The following PLCB4 variants were observed in gnomAD, a reference collection of about 807,000 sequenced individuals.
The protein encoded by PLCB4 is 1-phosphatidylinositol 4,5-bisphosphate phosphodiesterase beta-4.
PLCB4 carries 77 observed loss-of-function variants against 178.8 expected under a neutral mutation model. That is an observed-to-expected ratio of 0.43 (90% CI 0.36 to 0.52). The LOEUF (loss-of-function observed/expected upper bound fraction) is 0.52. Among genes scored for constraint, PLCB4 ranks in the 20% least tolerant of loss-of-function variants. The pLI, the probability that PLCB4 is intolerant of heterozygous loss-of-function variation, is 0.00. For synonymous variants in PLCB4, 496 were observed against 490.8 expected, an observed-to-expected ratio of 1.01 and a Z score of -0.14; for missense variants, 1,024 against 1,453.4, an observed-to-expected ratio of 0.70 and a Z score of 4.80.
intron 7 of PLCB4, among the ~76,000 whole-genome samples, chr20:9,344,425 C>T (rs1006631912): frequency 2.0e-5 from 3 of 152,210 alleles, no homozygotes; most frequent in Non-Finnish European, 4.4e-5. Context: ...CCTCTGTCTG[C>T]AGGACGGCAC....
intron 1 of PLCB4, among the ~76,000 whole-genome samples, chr20:9,086,506 T>C (rs1180279698): frequency 2.6e-5 from 4 of 152,102 alleles, no homozygotes; most frequent in Non-Finnish European, 5.9e-5. Flanking sequence ...TCCTGTGAGA[T>C]AGGTGGCAGT....
At chr20:9,164,331 T>C (rs948577921) in intron 2 of PLCB4, among the ~76,000 whole-genome samples, 3 of 152,186 alleles carry the variant, frequency 2.0e-5, no homozygotes, top group African/African-American at 7.2e-5. Context: ...TCTTTTTTTT[T>C]TATTTGCATG....
intron 4 of PLCB4, among the ~76,000 whole-genome samples, chr20:9,323,841 C>T (rs2029890377): frequency 6.6e-6 from 1 of 152,294 alleles, no homozygotes. Context: ...GTTCTGTGCT[C>T]TGCAGCTGCA....
intron 2 of PLCB4, among the ~76,000 whole-genome samples, chr20:9,141,541 T>A (rs780732614): frequency 1.3e-5 from 2 of 152,140 alleles, no homozygotes; most frequent in East Asian, 1.9e-4. Flanking sequence ...CACTTTTAGA[T>A]TGAGATAAAG....
At chr20:9,202,299 G>C (rs1180221555) in intron 2 of PLCB4, among the ~76,000 whole-genome samples, 1 of 152,168 alleles carries the variant, frequency 6.6e-6, no homozygotes, top group Non-Finnish European at 1.5e-5. Flanking sequence ...TGATTGTGTG[G>C]TGGTTACATG....
At chr20:9,403,961 GACACTGGATC>G (rs1467186509) in intron 20 of PLCB4, among the ~76,000 whole-genome samples, 1 of 152,178 alleles carries the variant, frequency 6.6e-6, no homozygotes, top group Non-Finnish European at 1.5e-5. Flanking sequence ...GCAGGGTGGT[GACACTGGATC>G]ACACAGATAT....
chr20:9,422,889 C>G (rs1568798102), intron 27 of PLCB4, among the ~76,000 whole-genome samples: 1 of 152,186 alleles, frequency 6.6e-6, no homozygotes, highest in Non-Finnish European at 1.5e-5. Context: ...TAAATTATAG[C>G]CTTCAGATGT....
intron 33 of PLCB4, among the ~76,000 whole-genome samples, chr20:9,454,208 A>C (rs2042930570): frequency 6.6e-6 from 1 of 152,204 alleles, no homozygotes. Flanking sequence ...CACACCATGG[A>C]AACAATGCTG....
intron 35 of PLCB4, among the ~76,000 whole-genome samples, chr20:9,467,211 T>C (rs770926094): frequency 8.5e-5 from 13 of 152,092 alleles, no homozygotes; most frequent in East Asian, 1.9e-4. Context: ...TTCTTACTCA[T>C]AGGTGGGAAT....
At chr20:9,298,148 C>G (rs976085811) in intron 3 of PLCB4, among the ~76,000 whole-genome samples, 3 of 152,076 alleles carry the variant, frequency 2.0e-5, no homozygotes, top group African/African-American at 4.8e-5. Context: ...AATGATAACA[C>G]AAAGATACCA....
chr20:9,225,105 G>T (rs2093847058), intron 3 of PLCB4, among the ~76,000 whole-genome samples: 1 of 152,092 alleles, frequency 6.6e-6, no homozygotes, highest in East Asian at 1.9e-4. Context: ...TGAATGAAGG[G>T]CTAGATATTC....
At chr20:9,242,983 A>G (rs571498422) in intron 3 of PLCB4, among the ~76,000 whole-genome samples, 1 of 152,216 alleles carries the variant, frequency 6.6e-6, no homozygotes, top group Non-Finnish European at 1.5e-5. Flanking sequence ...TTTAGCAAAT[A>G]AAAAATACAG....
intron 30 of PLCB4, among the ~76,000 whole-genome samples, chr20:9,437,597 G>A (rs1010960733): frequency 6.6e-6 from 1 of 152,166 alleles, no homozygotes; most frequent in South Asian, 2.1e-4. Flanking sequence ...GTTTCCATAT[G>A]AATTGGCCAG....
At chr20:9,163,571 T>C (rs1283917727) in intron 2 of PLCB4, among the ~76,000 whole-genome samples, 2 of 152,096 alleles carry the variant, frequency 1.3e-5, no homozygotes, top group African/African-American at 4.8e-5. Flanking sequence ...TTTATGTTTA[T>C]ATTCTGTTTT....
At position 9,125,786 on chromosome 20, in the gene PLCB4, A is replaced by G. The variant is rs1298576209; in HGVS notation, c.-79+29444A>G. On this transcript the variant is annotated intron_variant, in intron 2 of 39. Transcript: ENST00000378473. The stretch of plus-strand genomic sequence containing the variant: ...GTCTCTATATGCGTATACACATATA[A>G]TTATAGTTCAGTCCTTTATTTCTCA... Among the ~76,000 whole-genome samples the G allele has an allele frequency of 2.0e-5, 3 of 152,194 alleles. No homozygotes were observed. In the East Asian group the frequency reaches 5.8e-4, roughly 29 times the overall value.
At chr20:9,245,793 C>T (rs2094119042) in intron 3 of PLCB4, among the ~76,000 whole-genome samples, 1 of 151,500 alleles carries the variant, frequency 6.6e-6, no homozygotes, top group Admixed American at 6.6e-5. Context: ...TGCCACATGT[C>T]CTGCTAATTT....
At chr20:9,255,068 C>A (rs573017510) in intron 3 of PLCB4, among the ~76,000 whole-genome samples, 1 of 151,950 alleles carries the variant, frequency 6.6e-6, no homozygotes, top group African/African-American at 2.4e-5. Context: ...ATATTTATAC[C>A]TGCTCATATA....
chr20:9,100,989 G>A (rs879591835), intron 2 of PLCB4, among the ~76,000 whole-genome samples: 2 of 152,142 alleles, frequency 1.3e-5, no homozygotes, highest in Admixed American at 6.5e-5. Context: ...CTGCCCGCCT[G>A]TGAGGTGAAG....
chr20:9,130,640 A>G (rs1392299264), intron 2 of PLCB4, among the ~76,000 whole-genome samples: 3 of 152,208 alleles, frequency 2.0e-5, no homozygotes, highest in Admixed American at 1.3e-4. Flanking sequence ...TTTGCACATG[A>G]TAATTTATCT....
Sources: allele counts gnomAD v4.1 joint callset (sites outside exome capture counted in the v4.1 genomes callset), GRCh38; gene constraint gnomAD v4.1.1; transcripts MANE v1.5; gene names NCBI Gene and HGNC (gene_info 2026-07-23, HGNC 2026-07-21).